The following PRMT7 variants were observed in gnomAD, a reference collection of about 807,000 sequenced individuals.
PRMT7 encodes protein arginine N-methyltransferase 7.
A neutral mutation model predicts 85.4 loss-of-function variants in PRMT7; 75 were observed. That is an observed-to-expected ratio of 0.88 (90% CI 0.73 to 1.06). The LOEUF (loss-of-function observed/expected upper bound fraction) is 1.06, where lower values mean the gene tolerates loss of function less well. Ranked by LOEUF, PRMT7 falls within the 50% of genes least tolerant of loss-of-function variation. The pLI, the probability that PRMT7 is intolerant of heterozygous loss-of-function variation, is 0.00. For synonymous variants in PRMT7, 397 were observed against 359.5 expected (o/e 1.10, Z -1.18); for missense variants, 868 against 915.2 (o/e 0.95, Z 0.67).
At chr16:68,325,150 G>A (rs2082957584) in intron 5 of PRMT7, among the ~76,000 whole-genome samples, 1 of 151,850 alleles carries the variant, frequency 6.6e-6, no homozygotes, top group Non-Finnish European at 1.5e-5. Context: ...TTGAGCCCAG[G>A]AGTTTGAGAC....
chr16:68,337,369 C>T (rs2084858761), intron 6 of PRMT7, 90 bp from the exon 7 acceptor site: 1 of 829,290 alleles, frequency 1.2e-6, no homozygotes, highest in South Asian at 1.6e-5. Context: ...AGCGTGATGG[C>T]CCCTTAACCA....
intron 14 of PRMT7, among the ~76,000 whole-genome samples, chr16:68,349,560 T>A (rs1160406250): frequency 6.6e-6 from 1 of 152,186 alleles, no homozygotes; most frequent in Non-Finnish European, 1.5e-5. Context: ...GTGATTTTTT[T>A]AAGTAAATAT....
At chr16:68,356,022 C>A in intron 17 of PRMT7, 139 bp downstream of exon 17, 1 of 998,130 alleles carries the variant, frequency 1.0e-6, no homozygotes, top group Non-Finnish European at 1.4e-6. Context: ...CTTGCCCTTC[C>A]CTGTCAGAGT....
intron 9 of PRMT7, 35 bp downstream of exon 9, chr16:68,340,003 G>A (rs1288470919): frequency 1.3e-6 from 2 of 1,563,244 alleles, no homozygotes; most frequent in African/African-American, 1.4e-5. Context: ...GCCCTGTCAG[G>A]AAACTTGTCC....
chr16:68,332,942 G>A (rs973805500), intron 6 of PRMT7, among the ~76,000 whole-genome samples: 7 of 152,174 alleles, frequency 4.6e-5, no homozygotes, highest in Non-Finnish European at 7.3e-5. Context: ...GATAACAGCC[G>A]GAGGGTAAGC....
chr16:68,337,642 C>A, intron 7 of PRMT7, 71 bp downstream of exon 7: 1 of 1,019,728 alleles, frequency 9.8e-7, no homozygotes, highest in South Asian at 1.6e-5. Flanking sequence ...ACTCATGCAC[C>A]GTGTCCCACA....
chr16:68,353,461 G>A (rs772199770), intron 15 of PRMT7, 31 bp from the exon 16 acceptor site: 35 of 1,609,824 alleles, frequency 2.2e-5, no homozygotes, highest in South Asian at 3.3e-5. Context: ...CCTGGCGGGC[G>A]GGTGTGGACG....
intron 10 of PRMT7, among the ~76,000 whole-genome samples, 155 bp downstream of exon 10, chr16:68,345,957 C>T (rs8058517): frequency 0.15 from 22,659 of 152,110 alleles, 1,874 homozygotes; most frequent in African/African-American, 0.22. Context: ...AGTGCCCATT[C>T]GTGTGTACCC....
intron 16 of PRMT7, 32 bp downstream of exon 16, chr16:68,353,598 C>G (rs758811545): frequency 1.3e-6 from 2 of 1,508,960 alleles, no homozygotes; most frequent in East Asian, 5.0e-5. Context: ...ATAGTACCCC[C>G]GACCTGCTCC....
chr16:68,312,246 A>T (rs1211143285), intron 2 of PRMT7, 70 bp downstream of exon 2: 2 of 139,496 alleles, frequency 1.4e-5, no homozygotes, highest in African/African-American at 5.9e-5. Flanking sequence ...TTTTTAAGAC[A>T]GGGTCTCACT....
intron 15 of PRMT7, among the ~76,000 whole-genome samples, chr16:68,352,980 A>G (rs2087639530): frequency 6.6e-6 from 1 of 152,102 alleles, no homozygotes. Flanking sequence ...CTCCTGTGTT[A>G]CTTGTTTACC....
chr16:68,348,033 C>T (rs981267152), intron 13 of PRMT7, among the ~76,000 whole-genome samples: 5 of 152,180 alleles, frequency 3.3e-5, no homozygotes, highest in Non-Finnish European at 7.3e-5. Context: ...TCTCCCTGGC[C>T]AGTAACTGGT....
intron 6 of PRMT7, among the ~76,000 whole-genome samples, chr16:68,332,603 G>A (rs1317873629): frequency 1.3e-5 from 2 of 152,196 alleles, no homozygotes; most frequent in Non-Finnish European, 2.9e-5. Context: ...CTGTGTGTGT[G>A]TGAATGTATT....
intron 15 of PRMT7, chr16:68,353,248 TA>T: frequency 1.4e-6 from 1 of 692,440 alleles, no homozygotes; most frequent in Non-Finnish European, 2.2e-6. Context: ...GCCCCCAGCC[TA>T]GGAGCTCTGG....
Position 68,347,216 on chromosome 16 carries a change from G to C in PRMT7, c.1197G>C (p.Leu399=), listed in dbSNP as rs1034569666. 1 of 1,552,534 alleles carries C rather than the reference G, an allele frequency of 6.4e-7. No homozygotes were observed. The highest frequency in any genetic ancestry group is 8.7e-7 in the Non-Finnish European group (1 of 1,147,246). ...AGCTTGCCTGTTCCCCGCAGGTGCT[G>C]AAGCCAGACAGCGTGTGCCTGTGTG... ...DRYVQALRTV[L]KPDSVCLCVS... The change falls in exon 12 of 19, where the codon CTG becomes CTC. Residue 399 remains leucine, a synonymous_variant. Transcript: ENST00000441236.
At chr16:68,311,781 CT>C (rs36122330) in intron 1 of PRMT7, 84,473 of 151,424 alleles carry the variant, frequency 0.56, 23,830 homozygotes, top group East Asian at 0.78. Flanking sequence ...TCTTCCCCAA[CT>C]TTTATCCCGG....
chr16:68,339,938 C>T lies in PRMT7; in HGVS notation c.897C>T (p.Phe299=). 1.9e-6 allele frequency: 3 copies of T among 1,614,024 alleles called. No individual in the cohort carries two copies. Among genetic ancestry groups the T allele is most frequent in the Non-Finnish European group, 2.5e-6 (3 of 1,179,972 alleles). ...EGKIKCTMAP[F]WAHSDPEEMQ... ...AGATCAAGTGCACCATGGCCCCCTT[C>T]TGGGCACACTCAGACCCAGAGGAGA... The change falls in exon 9 of 19, where the codon TTC becomes TTT. Residue 299 remains phenylalanine (F), a synonymous_variant. Transcript: ENST00000441236.
rs368013437 is a variant in PRMT7 at position 68,316,006 on chromosome 16, T to C, written c.27T>C (p.Asn9=). 3.1e-6 allele frequency: 5 copies of C among 1,613,736 alleles called. No individual in the cohort carries two copies. The highest frequency in any genetic ancestry group is 1.3e-5 in the African/African-American group (1 of 75,060). Residue 9 remains asparagine (N), a synonymous_variant, in exon 3 of 19, where the codon AAT becomes AAC. Coordinates refer to ENST00000441236, the MANE Select transcript of PRMT7 (RefSeq NM_019023.5). The stretch of plus-strand genomic sequence containing the variant: ...TGAAGATCTTCTGCAGTCGGGCCAA[T>C]CCGACCACGGGGTCTGTGGAGTGGC... MKIFCSRA[N]PTTGSVEWLE...
In PRMT7 at chr16:68,357,895, A is replaced by G. The variant is rs1029361688; in HGVS notation, c.*671A>G. 6.6e-6 allele frequency: 1 copy of G among 152,454 alleles called. No individual in the cohort carries two copies. Among genetic ancestry groups the G allele is most frequent in the South Asian group, 2.1e-4 (1 of 4,834 alleles). 9.4% of individuals were successfully genotyped at this position (152,454 alleles called of 1,614,324 possible). ...AGTTCCTGAGATGCAGGCCCAGGAA[A>G]GTGGCTGTCAGGGGAGCTGGGAGGC... On this transcript the variant is annotated 3_prime_UTR_variant, in exon 19 of 19. Transcript: ENST00000441236.
Sources: gnomAD v4.1 joint callset for allele counts (sites outside exome capture counted in the v4.1 genomes callset) on GRCh38, gnomAD v4.1.1 for gene constraint, MANE v1.5 for transcripts, NCBI Gene and HGNC (gene_info 2026-07-23, HGNC 2026-07-21) for gene names.